XPO5: variants seen among roughly 807,000 people sequenced by gnomAD.
XPO5 encodes the protein exportin 5.
In XPO5, 46 loss-of-function variants were observed where a neutral mutation model predicts 160.6. The ratio of observed to expected loss-of-function variants is 0.29; its 90% CI spans 0.23 to 0.37. The LOEUF (loss-of-function observed/expected upper bound fraction) is 0.37, where lower values mean the gene tolerates loss of function less well. XPO5 is among the 10% of genes least tolerant of loss of function. The pLI is 1.00. For synonymous variants in XPO5, 537 were observed against 519.3 expected, an observed-to-expected ratio of 1.03 and a Z score of -0.46; for missense variants, 1,090 against 1,463.9, an observed-to-expected ratio of 0.74 and a Z score of 4.17.
At chr6:43,542,623 A>T (rs1451277919) in intron 20 of XPO5, among the ~76,000 whole-genome samples, 1 of 151,980 alleles carries the variant, frequency 6.6e-6, no homozygotes, top group African/African-American at 2.4e-5. Context: ...ACGGGGTTTC[A>T]CCATGTTGGC....
At chr6:43,554,717 C>G (rs1761950550) in intron 13 of XPO5, among the ~76,000 whole-genome samples, 1 of 152,214 alleles carries the variant, frequency 6.6e-6, no homozygotes, top group Non-Finnish European at 1.5e-5. Context: ...GCCACCCTGC[C>G]TGGCCTAAGA....
At chr6:43,567,967 G>T (rs978707379) in intron 6 of XPO5, among the ~76,000 whole-genome samples, 21 of 135,458 alleles carry the variant, frequency 1.6e-4, no homozygotes, top group Middle Eastern at 7.5e-3. Flanking sequence ...GTCTGTTTTT[G>T]TTTTTTTTTT....
chr6:43,553,719 C>T (rs563877447), intron 13 of XPO5: 25 of 936,166 alleles, frequency 2.7e-5, no homozygotes, highest in Non-Finnish European at 3.6e-5. Context: ...CCTACCATGC[C>T]TCCTCCTCCT....
Position 43,575,936 on chromosome 6 carries a change from G to A in XPO5, c.-72C>T. ...CACGAGGCACGACAGCTCCCTCGGC[G>A]AGACCACCCGTTGGTACCGGGCCGC... On this transcript the variant is annotated 5_prime_UTR_variant, in exon 1 of 32. Coordinates refer to ENST00000265351, the MANE Select transcript of XPO5 (RefSeq NM_020750.3). 4 of 1,480,482 alleles carry A rather than the reference G, an allele frequency of 2.7e-6. No individual in the cohort carries two copies. The highest frequency in any genetic ancestry group is 3.7e-6 in the Non-Finnish European group (4 of 1,076,122). 91.7% of individuals were successfully genotyped at this position (1,480,482 alleles called of 1,614,324 possible). A position where few individuals can be genotyped will look rare whatever the true frequency, so the allele number is the denominator to read the frequency against.
chr6:43,574,154 G>C (rs1251163353), intron 1 of XPO5, among the ~76,000 whole-genome samples: 1 of 151,784 alleles, frequency 6.6e-6, no homozygotes, highest in African/African-American at 2.4e-5. Context: ...TTTTAAATTA[G>C]CCGGGCATGG....
chr6:43,575,641 G>A, intron 1 of XPO5, 119 bp downstream of exon 1: 1 of 865,216 alleles, frequency 1.2e-6, no homozygotes, highest in Admixed American at 2.7e-5. Flanking sequence ...CCGGGGAGTT[G>A]GGAAAGGAGG....
chr6:43,549,052 C>T (rs144654602), intron 17 of XPO5, among the ~76,000 whole-genome samples: 104 of 152,226 alleles, frequency 6.8e-4, no homozygotes, highest in Non-Finnish European at 1.3e-3. Flanking sequence ...TAAGAAAACA[C>T]CAATTCAAGA....
intron 20 of XPO5, among the ~76,000 whole-genome samples, chr6:43,538,149 T>C (rs1251735528): frequency 3.2e-3 from 425 of 131,766 alleles, no homozygotes; most frequent in African/African-American, 0.012. Flanking sequence ...CTTTTTTTTT[T>C]TTTTTTTTTT....
chr6:43,567,400 G>A (rs1762751332), intron 6 of XPO5, 46 bp from the exon 7 acceptor site: 1 of 1,520,176 alleles, frequency 6.6e-7, no homozygotes, highest in Non-Finnish European at 8.8e-7. Flanking sequence ...CTCGGTAACA[G>A]GTAAGGAATC....
At chr6:43,550,080 G>A (rs867839101) in intron 15 of XPO5, 146 bp from the exon 16 acceptor site, 5 of 780,472 alleles carry the variant, frequency 6.4e-6, no homozygotes, top group South Asian at 1.7e-5. Flanking sequence ...ACGGGCATGA[G>A]CTTATTCATA....
chr6:43,572,668 C>G lies in XPO5; in HGVS notation c.228-90G>C. On this transcript the variant is annotated intron_variant, in intron 2 of 31. Transcript: ENST00000265351. ...GCATGGATTTCTACATTTGATTACA[C>G]TGGAGATTTCATTAAGAAATTATAC... 3 of 1,293,758 alleles carry G rather than the reference C, an allele frequency of 2.3e-6. No homozygotes were observed. In the Admixed American group the frequency reaches 5.8e-5, roughly 25 times the overall value. The allele number at this position is 1,293,758 out of a possible 1,614,324, so 80.1% of individuals were successfully genotyped here.
Position 43,570,580 on chromosome 6 carries a change from T to C in XPO5, c.543A>G (p.Thr181=), listed in dbSNP as rs368746355. 25 of 1,613,808 alleles carry C rather than the reference T, an allele frequency of 1.5e-5. No homozygotes were observed. The highest frequency in any genetic ancestry group is 1.2e-4 in the Admixed American group (7 of 59,996). The change falls in exon 5 of 32, where the codon ACA becomes ACG. Residue 181 remains threonine (T), a synonymous_variant. Coordinates refer to ENST00000265351, the MANE Select transcript of XPO5 (RefSeq NM_020750.3). ...PPQRRRDIQQ[T]LTQNMERIFS... ...AGATCCTTTCCATGTTCTGGGTTAATGTTTGCTGGATGTCCCTTCTTCTTT... is the reference window on the plus strand; with the variant it reads ...AGATCCTTTCCATGTTCTGGGTTAACGTTTGCTGGATGTCCCTTCTTCTTT...
In XPO5 at chr6:43,523,409, A is replaced by G. The variant is rs140347243; in HGVS notation, c.*459T>C. ...AAAGTTTCCTGCCAGCCCAGCAGCA[A>G]AAGGGCTCAGTGGGAGTTGGAGTGG... is the stretch of plus-strand genomic sequence containing the variant. On this transcript the variant is annotated 3_prime_UTR_variant, in exon 32 of 32. Coordinates refer to ENST00000265351, the MANE Select transcript of XPO5 (RefSeq NM_020750.3). 291 of 296,092 alleles carry G rather than the reference A, an allele frequency of 9.8e-4. 1 individual carries two copies. The highest frequency in any genetic ancestry group is 5.6e-3 in the African/African-American group (256 of 46,006). The allele number at this position is 296,092 out of a possible 1,614,324, so 18.3% of individuals were successfully genotyped here.
At chr6:43,565,369 C>A (rs968202727) in intron 8 of XPO5, among the ~76,000 whole-genome samples, 1 of 151,800 alleles carries the variant, frequency 6.6e-6, no homozygotes, top group Non-Finnish European at 1.5e-5. Flanking sequence ...GAGTTTGAGA[C>A]CAGAGCGGTC....
At position 43,568,247 on chromosome 6, in the gene XPO5, C is replaced by T. The variant is rs575402671; in HGVS notation, c.648+464G>A. Among the ~76,000 whole-genome samples the T allele has an allele frequency of 2.0e-5, 3 of 152,200 alleles. No homozygotes were observed. In the South Asian group the frequency reaches 6.2e-4, roughly 32 times the overall value. ...GCGTGAACCCAGGAGGCAGAGCTTG[C>T]AGTGAGCCGAGATCGCGCCACTGCA... On this transcript the variant is annotated intron_variant, in intron 6 of 31. Transcript: ENST00000265351.
In XPO5 at chr6:43,524,644, A is replaced by G; in HGVS notation, c.3313-9T>C. ...TCCAGGTACCTGGGGCGCTGATATC[A>G]GCAGGGATAAACTTACTGGATGTAG... is the stretch of plus-strand genomic sequence containing the variant. On this transcript the variant is annotated splice_polypyrimidine_tract_variant and intron_variant, in intron 30 of 31. Coordinates refer to ENST00000265351, the MANE Select transcript of XPO5 (RefSeq NM_020750.3). 6.2e-7 allele frequency: 1 copy of G among 1,613,188 alleles called. No homozygotes were observed. Among genetic ancestry groups the G allele is most frequent in the Non-Finnish European group, 8.5e-7 (1 of 1,179,394 alleles).
At chr6:43,524,351 T>TAA in intron 31 of XPO5, 120 bp downstream of exon 31, 1 of 998,326 alleles carries the variant, frequency 1.0e-6, no homozygotes. Flanking sequence ...AAACCCCATC[T>TAA]CAAAAAAAAA....
intron 5 of XPO5, among the ~76,000 whole-genome samples, chr6:43,569,936 A>G (rs1404642858): frequency 6.7e-6 from 1 of 149,248 alleles, no homozygotes; most frequent in Non-Finnish European, 1.5e-5. Context: ...TACAAAAATT[A>G]GCCAGGTGTG....
rs1230092677 is a variant in XPO5 at position 43,567,365 on chromosome 6, A to G, written c.649-11T>C. ...ACAGTTTGCTTGCGCCTACCAGAAAAGAAGTAACTTTGGACCATGAAGTCC... is the reference window on the plus strand; with the variant it reads ...ACAGTTTGCTTGCGCCTACCAGAAAGGAAGTAACTTTGGACCATGAAGTCC... On this transcript the variant is annotated splice_polypyrimidine_tract_variant and intron_variant, in intron 6 of 31. Coordinates refer to ENST00000265351, the MANE Select transcript of XPO5 (RefSeq NM_020750.3). 1 of 1,595,280 alleles carries G rather than the reference A, an allele frequency of 6.3e-7. No individual in the cohort carries two copies.
Sources: gnomAD v4.1 joint callset for allele counts (sites outside exome capture counted in the v4.1 genomes callset) on GRCh38, gnomAD v4.1.1 for gene constraint, MANE v1.5 for transcripts, NCBI Gene and HGNC (gene_info 2026-07-23, HGNC 2026-07-21) for gene names.